RILPL1: variants seen among roughly 807,000 people sequenced by gnomAD.
The protein encoded by RILPL1 is RILP-like protein 1.
Under a neutral mutation model 50.3 loss-of-function variants are expected in RILPL1, and 33 were observed. The ratio of observed to expected loss-of-function variants is 0.66; its 90% CI spans 0.50 to 0.88. RILPL1 has a LOEUF of 0.88. Ranked by LOEUF, RILPL1 falls within the 40% of genes least tolerant of loss-of-function variation. The pLI is 0.00. For synonymous variants in RILPL1, 205 were observed against 228.6 expected, an observed-to-expected ratio of 0.90 and a Z score of 0.93; for missense variants, 418 against 542.5, an observed-to-expected ratio of 0.77 and a Z score of 2.28.
rs1364739292 is a variant in RILPL1 at position 123,491,032 on chromosome 12, G to A, written c.802-5227C>T. 6.6e-6 allele frequency among the ~76,000 whole-genome samples: 1 copy of A among 152,222 alleles called. No homozygotes were observed. The highest frequency in any genetic ancestry group is 1.5e-5 in the Non-Finnish European group (1 of 68,050). ...CCCAAAGTGTTGGGATTACAGGCGTGAGCCACCATGCCCGCCCTGACTTCT... is the reference window on the plus strand; with the variant it reads ...CCCAAAGTGTTGGGATTACAGGCGTAAGCCACCATGCCCGCCCTGACTTCT... On this transcript the variant is annotated intron_variant, in intron 4 of 6. Transcript: ENST00000376874. The surrounding 1 kb of genome is among the most constrained non-coding windows in gnomAD (Gnocchi z 4.0).
intron 2 of RILPL1, among the ~76,000 whole-genome samples, chr12:123,517,443 G>A (rs1190349488): frequency 1.3e-5 from 1 of 74,198 alleles, no homozygotes; most frequent in Non-Finnish European, 2.8e-5. Flanking sequence ...TTTTTTTTTT[G>A]CGAGTCTCGC....
At chr12:123,528,324 A>T (rs1473521629) in intron 1 of RILPL1, among the ~76,000 whole-genome samples, 9 of 149,586 alleles carry the variant, frequency 6.0e-5, no homozygotes, top group Non-Finnish European at 1.0e-4. Context: ...CACGCACGGC[A>T]CGCCAGCCTG....
intron 2 of RILPL1, chr12:123,514,295 T>C (rs898886721): frequency 1.3e-5 from 2 of 151,924 alleles, no homozygotes; most frequent in African/African-American, 4.8e-5. Context: ...AGGCTGCCAG[T>C]GGTTGTACCT....
In RILPL1 at chr12:123,491,565, A is replaced by G. The variant is rs1286659393; in HGVS notation, c.802-5760T>C. 6.6e-5 allele frequency among the ~76,000 whole-genome samples: 10 copies of G among 152,280 alleles called. No homozygotes were observed. The highest frequency in any genetic ancestry group is 2.2e-4 in the African/African-American group (9 of 41,574). Reference sequence around the variant, plus strand: ...AGCAGCCCCTGGCCCAGCAATGGGGAACGACTGTGCTCTGGTCACACTTGG... The same window carrying G: ...AGCAGCCCCTGGCCCAGCAATGGGGGACGACTGTGCTCTGGTCACACTTGG... On this transcript the variant is annotated intron_variant, in intron 4 of 6. Coordinates refer to ENST00000376874, the MANE Select transcript of RILPL1 (RefSeq NM_178314.5). The surrounding 1 kb of genome is among the most constrained non-coding windows in gnomAD (Gnocchi z 4.0).
chr12:123,472,811 A>G, intron 6 of RILPL1, 129 bp from the exon 7 acceptor site: 1 of 984,630 alleles, frequency 1.0e-6, no homozygotes, highest in Non-Finnish European at 1.5e-6. Flanking sequence ...TGTGAAAGAC[A>G]AAGTTGGGGG....
At chr12:123,511,445 CTG>C (rs1425023680) in intron 2 of RILPL1, among the ~76,000 whole-genome samples, 27 of 35,164 alleles carry the variant, frequency 7.7e-4, no homozygotes, top group African/African-American at 4.6e-3. Flanking sequence ...TGTGTGGTCT[CTG>C]TGTGGTGTGT....
chr12:123,472,999 G>GA (rs1202674749), intron 6 of RILPL1: 1 of 264,606 alleles, frequency 3.8e-6, no homozygotes, highest in African/African-American at 2.1e-5. Flanking sequence ...AAAAGCTGCT[G>GA]AAACAAATCT....
At chr12:123,512,897 AGT>A (rs1491536025) in intron 2 of RILPL1, among the ~76,000 whole-genome samples, 1 of 89,204 alleles carries the variant, frequency 1.1e-5, no homozygotes, top group Non-Finnish European at 2.1e-5. Context: ...TGGTGTGTGC[AGT>A]GTGAGTGCGT....
intron 4 of RILPL1, among the ~76,000 whole-genome samples, chr12:123,492,445 C>T (rs1208966507): frequency 6.6e-6 from 1 of 152,036 alleles, no homozygotes. Context: ...AGGCAGCTAC[C>T]GCAGGAGCAG....
intron 2 of RILPL1, among the ~76,000 whole-genome samples, chr12:123,500,543 C>T (rs140796658): frequency 0.013 from 2,015 of 152,032 alleles, 37 homozygotes; most frequent in Admixed American, 0.053. Context: ...CCTCGGCCTC[C>T]CGAAGTGCTG....
chr12:123,525,383 A>ATTTTT (rs36117410), intron 1 of RILPL1, among the ~76,000 whole-genome samples: 5 of 134,378 alleles, frequency 3.7e-5, no homozygotes, highest in Admixed American at 3.1e-4. Flanking sequence ...TGACTGGCTA[A>ATTTTT]TTTTTTTTTT....
intron 4 of RILPL1, among the ~76,000 whole-genome samples, chr12:123,494,934 GC>G (rs1218992476): frequency 2.0e-5 from 3 of 152,176 alleles, no homozygotes; most frequent in African/African-American, 7.2e-5. Flanking sequence ...TGTTGTCTCT[GC>G]CTGGCCTTTA....
intron 1 of RILPL1, among the ~76,000 whole-genome samples, chr12:123,525,040 G>C (rs1885200850): frequency 6.6e-6 from 1 of 152,174 alleles, no homozygotes; most frequent in Non-Finnish European, 1.5e-5. Flanking sequence ...GCTGAGGCAG[G>C]AGAATTACTT....
At position 123,499,480 on chromosome 12, in the gene RILPL1, G is replaced by C; in HGVS notation, c.517C>G (p.Gln173Glu). ...TCCTTGGCGCGGATCTCGTCGCGTT[G>C]TTTGTCCACCACCTCCTTCAGCTTC... is the stretch of plus-strand genomic sequence containing the variant. ...MKKLKEVVDK[Q>E]RDEIRAKDRE... Residue 173 changes from glutamine (Q) to glutamate (E), a missense_variant, in exon 3 of 7, where the codon CAA becomes GAA. Coordinates refer to ENST00000376874, the MANE Select transcript of RILPL1 (RefSeq NM_178314.5). 1 of 1,613,950 alleles carries C rather than the reference G, an allele frequency of 6.2e-7. No individual in the cohort carries two copies. The highest frequency in any genetic ancestry group is 8.5e-7 in the Non-Finnish European group (1 of 1,179,886).
chr12:123,513,291 AC>A (rs1277708752), intron 2 of RILPL1: 15 of 300,266 alleles, frequency 5.0e-5, no homozygotes, highest in Admixed American at 1.2e-4. Flanking sequence ...ACTCCTCCCG[AC>A]CCCCCGCCTG....
intron 2 of RILPL1, among the ~76,000 whole-genome samples, chr12:123,520,695 C>T (rs1310699569): frequency 2.0e-5 from 3 of 152,186 alleles, no homozygotes; most frequent in Admixed American, 6.5e-5. Flanking sequence ...CAAGTCACCG[C>T]GGCAGGGAGA....
Position 123,485,274 on chromosome 12 carries a change from G to T in RILPL1, c.974+359C>A. On this transcript the variant is annotated intron_variant, in intron 5 of 6. Coordinates refer to ENST00000376874, the MANE Select transcript of RILPL1 (RefSeq NM_178314.5). The surrounding 1 kb of genome is among the most constrained non-coding windows in gnomAD (Gnocchi z 4.0). ...AACAGGATAATGTAGGAGGTGAAAA[G>T]GGCCACATAGACCATTAACACCGGG... 1 of 465,118 alleles carries T rather than the reference G, an allele frequency of 2.1e-6. No individual in the cohort carries two copies. The highest frequency in any genetic ancestry group is 1.5e-5 in the South Asian group (1 of 64,564). The allele number at this position is 465,118 out of a possible 1,614,324, so 28.8% of individuals were successfully genotyped here.
intron 6 of RILPL1, chr12:123,475,776 C>T: frequency 6.9e-7 from 1 of 1,457,188 alleles, no homozygotes; most frequent in Non-Finnish European, 9.4e-7. Flanking sequence ...CAGATAGACA[C>T]AGAGAAGATA....
intron 2 of RILPL1, among the ~76,000 whole-genome samples, chr12:123,514,760 GCTGAATTAAATGATATACTATATGCTA>G (rs1884594826): frequency 1.3e-5 from 2 of 151,936 alleles, no homozygotes; most frequent in South Asian, 2.1e-4. Context: ...ACTACATGCT[GCTGAATTAAATGATATACTATATGCTA>G]CTGAATTAAA....
Sources: allele counts gnomAD v4.1 joint callset (sites outside exome capture counted in the v4.1 genomes callset), GRCh38; gene constraint gnomAD v4.1.1; non-coding constraint Gnocchi (gnomAD v3.1); transcripts MANE v1.5; gene names NCBI Gene and HGNC (gene_info 2026-07-23, HGNC 2026-07-21).